Variants in ANKFN1 observed in about 807,000 individuals in gnomAD.
ANKFN1 encodes ankyrin repeat and fibronectin type III domain containing 1.
A neutral mutation model predicts 108.7 loss-of-function variants in ANKFN1; 74 were observed. The ratio of observed to expected loss-of-function variants is 0.68; its 90% confidence interval spans 0.56 to 0.83. The LOEUF (loss-of-function observed/expected upper bound fraction) is 0.83. ANKFN1 is among the 40% of genes least tolerant of loss of function. The pLI is 0.00. For missense variants in ANKFN1, 1,505 were observed against 1,382.3 expected (o/e 1.09, Z -1.41); for synonymous variants, 547 against 516.2 (o/e 1.06, Z -0.81).
chr17:56,495,158 C>T (rs2051159973), intron 19 of ANKFN1, among the ~76,000 whole-genome samples: 1 of 152,132 alleles, frequency 6.6e-6, no homozygotes, highest in Non-Finnish European at 1.5e-5. Context: ...AGCCAATTCT[C>T]AAAGGGTTCA....
At chr17:56,405,832 A>T (rs2047904142) in intron 8 of ANKFN1, among the ~76,000 whole-genome samples, 1 of 152,186 alleles carries the variant, frequency 6.6e-6, no homozygotes. Context: ...AGGGAGGAGG[A>T]TCTATATTCA....
chr17:56,329,128 G>T (rs2144553500), intron 4 of ANKFN1, among the ~76,000 whole-genome samples: 1 of 152,230 alleles, frequency 6.6e-6, no homozygotes, highest in East Asian at 1.9e-4. Context: ...CTCCAATGCT[G>T]CCCTGTTGGG....
chr17:56,071,500 A>G (rs755836305), intron 4 of ANKFN1, among the ~76,000 whole-genome samples: 7 of 152,202 alleles, frequency 4.6e-5, no homozygotes, highest in Non-Finnish European at 1.0e-4. Flanking sequence ...TTCCAAACTT[A>G]ACATTTGTTG....
chr17:56,145,709 G>A (rs914369914), intron 4 of ANKFN1, among the ~76,000 whole-genome samples: 2 of 152,168 alleles, frequency 1.3e-5, no homozygotes, highest in East Asian at 1.9e-4. Flanking sequence ...TCTGCCCCTG[G>A]ACCCTCCCAA....
In ANKFN1 at chr17:56,430,500, CCACA is replaced by C. The variant is rs60148599; in HGVS notation, c.911-9792_911-9789del. ...AAGAGGGTAGATTTTGATGCTTTTA[CCACA>C]CACACACACACACACACACACACAC... On this transcript the variant is annotated intron_variant, in intron 8 of 20. Coordinates refer to ENST00000682825, the MANE Select transcript of ANKFN1 (RefSeq NM_001370326.1). 6.1e-3 allele frequency among the ~76,000 whole-genome samples: 883 copies of C among 144,164 alleles called. 13 individuals carry two copies. Among genetic ancestry groups the C allele is most frequent in the African/African-American group, 0.018 (693 of 38,906 alleles). 94.6% of individuals were successfully genotyped at this position (144,164 alleles called of 152,430 possible). A position where few individuals can be genotyped will look rare whatever the true frequency, so the allele number is the denominator to read the frequency against.
intron 3 of ANKFN1, among the ~76,000 whole-genome samples, chr17:56,258,734 C>A (rs1368224846): frequency 3.9e-5 from 6 of 152,030 alleles, no homozygotes; most frequent in Non-Finnish European, 7.4e-5. Context: ...CACGGTGAAA[C>A]CCCGTCTCTA....
At chr17:56,326,475 C>T in intron 4 of ANKFN1, 120 bp downstream of exon 4, 1 of 1,286,528 alleles carries the variant, frequency 7.8e-7, no homozygotes, top group Non-Finnish European at 1.0e-6. Context: ...CTGCATCTTC[C>T]AAAGTTAGCT....
At chr17:56,267,759 G>C (rs1055867337) in intron 3 of ANKFN1, among the ~76,000 whole-genome samples, 2 of 152,138 alleles carry the variant, frequency 1.3e-5, no homozygotes, top group South Asian at 4.1e-4. Context: ...CTATGTGTCT[G>C]TTTTTGTACC....
intron 4 of ANKFN1, among the ~76,000 whole-genome samples, chr17:56,077,482 C>T (rs1274888012): frequency 6.6e-6 from 1 of 152,124 alleles, no homozygotes; most frequent in Non-Finnish European, 1.5e-5. Context: ...CATAAGTGGC[C>T]CTGCTCTTGT....
chr17:56,218,209 C>T (rs1300567770), intron 2 of ANKFN1, among the ~76,000 whole-genome samples: 2 of 143,828 alleles, frequency 1.4e-5, no homozygotes, highest in Non-Finnish European at 3.1e-5. Flanking sequence ...CTCTCTTCCC[C>T]ACCCTCCCTC....
At chr17:56,202,124 C>T (rs563240967) in intron 1 of ANKFN1, among the ~76,000 whole-genome samples, 9 of 152,266 alleles carry the variant, frequency 5.9e-5, no homozygotes, top group African/African-American at 9.6e-5. Context: ...GCCTGGGAAG[C>T]GATTACACTT....
At chr17:56,157,857 G>A (rs1023470167) in intron 1 of ANKFN1, among the ~76,000 whole-genome samples, 8 of 152,160 alleles carry the variant, frequency 5.3e-5, no homozygotes, top group East Asian at 1.9e-4. Flanking sequence ...TAGCTTTACC[G>A]GTACCTGTTC....
rs199518799 is a variant in ANKFN1, at chr17:56,386,115, T to C, written c.910+11401T>C. On this transcript the variant is annotated intron_variant, in intron 8 of 20. Transcript: ENST00000682825. ...GACTGGATTAAGAAAATGTGGCACA[T>C]ATACACCATGGAATACTATGCAGCC... 2.4e-4 allele frequency among the ~76,000 whole-genome samples: 36 copies of C among 152,002 alleles called. No homozygotes were observed. The East Asian group carries it at 6.6e-3, about 28-fold the overall frequency.
rs374081965 is a variant in ANKFN1 at position 56,388,549 on chromosome 17, A to G, written c.910+13835A>G. On this transcript the variant is annotated intron_variant, in intron 8 of 20. Coordinates refer to ENST00000682825, the MANE Select transcript of ANKFN1 (RefSeq NM_001370326.1). ...ATTCTCTCAACATAGCTATATTTCT[A>G]TTTTTAATTGCCAACTATGTTTATA... Among the ~76,000 whole-genome samples the G allele has an allele frequency of 1.2e-4, 18 of 152,278 alleles. No homozygotes were observed. The East Asian group carries it at 1.3e-3, about 11-fold the overall frequency.
At chr17:56,435,491 C>T (rs1567999483) in intron 8 of ANKFN1, among the ~76,000 whole-genome samples, 1 of 152,142 alleles carries the variant, frequency 6.6e-6, no homozygotes, top group Non-Finnish European at 1.5e-5. Flanking sequence ...TGAACCAGGA[C>T]TGTTTGAATA....
intron 6 of ANKFN1, among the ~76,000 whole-genome samples, chr17:56,355,184 T>C (rs1173447628): frequency 1.3e-5 from 2 of 152,180 alleles, no homozygotes; most frequent in Non-Finnish European, 2.9e-5. Context: ...ATACAACATA[T>C]ATGTATATGA....
chr17:56,081,616 G>A (rs1425788855), intron 4 of ANKFN1, among the ~76,000 whole-genome samples: 1 of 152,176 alleles, frequency 6.6e-6, no homozygotes, highest in Non-Finnish European at 1.5e-5. Flanking sequence ...GCCTCCCAAA[G>A]TACTGGGATT....
intron 1 of ANKFN1, among the ~76,000 whole-genome samples, chr17:56,181,051 G>C (rs1487852871): frequency 6.6e-6 from 1 of 152,134 alleles, no homozygotes; most frequent in African/African-American, 2.4e-5. Context: ...ATTCCAAGTT[G>C]CTAACATAAT....
intron 9 of ANKFN1, among the ~76,000 whole-genome samples, chr17:56,442,618 A>G (rs1568004770): frequency 1.3e-5 from 2 of 152,168 alleles, no homozygotes; most frequent in African/African-American, 4.8e-5. Context: ...ACTAAGAGGG[A>G]ACTTCAAATA....
Sources: gnomAD v4.1 joint callset for allele counts (sites outside exome capture counted in the v4.1 genomes callset) on GRCh38, gnomAD v4.1.1 for gene constraint, MANE v1.5 for transcripts, NCBI Gene and HGNC (gene_info 2026-07-23, HGNC 2026-07-21) for gene names.